SFSWAP: variants seen among roughly 807,000 people sequenced by gnomAD.
The protein encoded by SFSWAP is splicing factor, suppressor of white-apricot homolog.
In SFSWAP, 17 loss-of-function variants were observed where a neutral mutation model predicts 100.7. That is an observed-to-expected ratio of 0.17 (90% CI 0.12 to 0.25). SFSWAP has a LOEUF of 0.25. Ranked by LOEUF, SFSWAP falls within the 10% of genes least tolerant of loss-of-function variation. SFSWAP has a pLI of 1.00. For missense variants in SFSWAP, 1,005 were observed against 1,262.6 expected (o/e 0.80, Z 3.09); for synonymous variants, 504 against 510.1 (o/e 0.99, Z 0.16).
chr12:131,746,493 C>T (rs1175748806), intron 7 of SFSWAP, among the ~76,000 whole-genome samples: 2 of 152,186 alleles, frequency 1.3e-5, no homozygotes, highest in Non-Finnish European at 1.5e-5. Context: ...CCCCCGTCCC[C>T]GCCTGGAACA....
At chr12:131,768,590 A>G (rs1195936112) in intron 13 of SFSWAP, among the ~76,000 whole-genome samples, 2 of 152,146 alleles carry the variant, frequency 1.3e-5, no homozygotes, top group Non-Finnish European at 2.9e-5. Context: ...CGAGTGCCGC[A>G]GGGTGGGCTC....
Position 131,797,347 on chromosome 12 carries a change from C to T in SFSWAP, c.2704C>T (p.Gln902Ter). 1 of 1,607,818 alleles carries T rather than the reference C, an allele frequency of 6.2e-7. No homozygotes were observed. The highest frequency in any genetic ancestry group is 8.5e-7 in the Non-Finnish European group (1 of 1,177,076). ...CCCTGTGGAGAGTCGGGGCTCCAGCCAGGAGCGCTCCAGGTAACCCCTGTC... is the reference window on the plus strand; with the variant it reads ...CCCTGTGGAGAGTCGGGGCTCCAGCTAGGAGCGCTCCAGGTAACCCCTGTC... ...VSPVESRGSS[Q>*]ERSRGVSQEK... The change falls in exon 16 of 18, where the codon CAG becomes TAG. Residue 902 changes from glutamine to a stop codon, truncating the protein, a stop_gained. Transcript: ENST00000261674. LOFTEE classifies it high-confidence loss of function.
At chr12:131,777,924 T>C (rs997508099) in intron 13 of SFSWAP, 141 bp from the exon 14 acceptor site, 10 of 1,380,360 alleles carry the variant, frequency 7.2e-6, no homozygotes, top group African/African-American at 1.5e-5. Context: ...GAGGTCACTC[T>C]GGATAGCCAC....
chr12:131,791,473 C>T (rs1053832109), intron 15 of SFSWAP, among the ~76,000 whole-genome samples: 22 of 152,092 alleles, frequency 1.4e-4, no homozygotes, highest in Admixed American at 2.6e-4. Context: ...AAAGGAGGGG[C>T]CAGGCACGAT....
intron 16 of SFSWAP, among the ~76,000 whole-genome samples, chr12:131,798,026 G>A (rs186257895): frequency 6.6e-6 from 1 of 152,342 alleles, no homozygotes; most frequent in East Asian, 1.9e-4. Context: ...TAGAATCTAA[G>A]AGGTGGCACC....
At chr12:131,776,191 A>G (rs746736173) in intron 13 of SFSWAP, among the ~76,000 whole-genome samples, 1 of 152,228 alleles carries the variant, frequency 6.6e-6, no homozygotes, top group Non-Finnish European at 1.5e-5. Context: ...GACCTTTTTG[A>G]TAAGAACTGT....
intron 4 of SFSWAP, among the ~76,000 whole-genome samples, chr12:131,720,922 T>C (rs781354021): frequency 3.9e-4 from 59 of 152,108 alleles, no homozygotes; most frequent in Admixed American, 1.0e-3. Flanking sequence ...TGAGACTGGG[T>C]AATTTATAAA....
rs1347588250 is a variant in SFSWAP at position 131,725,317 on chromosome 12, C to A, written c.607-88C>A. The A allele has an allele frequency of 4.4e-6, 5 of 1,126,038 alleles. No homozygotes were observed. The highest frequency in any genetic ancestry group is 5.4e-6 in the Non-Finnish European group (4 of 746,322). 69.8% of individuals were successfully genotyped at this position (1,126,038 alleles called of 1,614,324 possible). A position where few individuals can be genotyped will look rare whatever the true frequency, so the allele number is the denominator to read the frequency against. On this transcript the variant is annotated intron_variant, in intron 4 of 17. Coordinates refer to ENST00000261674, the MANE Select transcript of SFSWAP (RefSeq NM_004592.4). The surrounding 1 kb of genome is among the most constrained non-coding windows in gnomAD (Gnocchi z 4.3). ...GTATCTCTTAAAATTGACAGTAAAACCAGAGTCATTTCTATGTTTTAATGA... is the reference window on the plus strand; with the variant it reads ...GTATCTCTTAAAATTGACAGTAAAAACAGAGTCATTTCTATGTTTTAATGA...
At chr12:131,721,579 C>T (rs975747242) in intron 4 of SFSWAP, among the ~76,000 whole-genome samples, 1 of 152,046 alleles carries the variant, frequency 6.6e-6, no homozygotes, top group African/African-American at 2.4e-5. Context: ...TGGAATTTTA[C>T]TTGTTTTTAG....
chr12:131,747,057 T>C (rs1227685151), intron 7 of SFSWAP, among the ~76,000 whole-genome samples: 1 of 145,232 alleles, frequency 6.9e-6, no homozygotes, highest in Non-Finnish European at 1.5e-5. Context: ...TGAGCCGAGA[T>C]CGCACCACTG....
chr12:131,713,984 A>G (rs749004737), intron 1 of SFSWAP, 87 bp from the exon 2 acceptor site: 97 of 729,502 alleles, frequency 1.3e-4, no homozygotes, highest in South Asian at 3.3e-4. Flanking sequence ...ATGTGTGTGT[A>G]TATATATATA....
intron 13 of SFSWAP, among the ~76,000 whole-genome samples, chr12:131,769,646 A>C (rs921212962): frequency 2.6e-5 from 4 of 151,916 alleles, no homozygotes; most frequent in Non-Finnish European, 4.4e-5. Context: ...TTGTTTTTTG[A>C]GACAGAGTCT....
At chr12:131,788,703 G>C (rs1246021615) in intron 15 of SFSWAP, among the ~76,000 whole-genome samples, 1 of 151,720 alleles carries the variant, frequency 6.6e-6, no homozygotes, top group Admixed American at 6.6e-5. Context: ...CTGCTCTCAA[G>C]CTCCTGGCCT....
At chr12:131,785,805 T>G (rs1441433119) in intron 14 of SFSWAP, 1 of 153,226 alleles carries the variant, frequency 6.5e-6, no homozygotes, top group Admixed American at 6.5e-5. Context: ...GTCGTGAGAC[T>G]GGCATTTCCA....
intron 11 of SFSWAP, among the ~76,000 whole-genome samples, chr12:131,758,271 G>A (rs549453719): frequency 1.3e-5 from 2 of 152,244 alleles, no homozygotes; most frequent in South Asian, 2.1e-4. Flanking sequence ...CTGCCAACCA[G>A]CGTGACCTTC....
chr12:131,740,932 C>T (rs1177853960), intron 7 of SFSWAP, among the ~76,000 whole-genome samples: 2 of 146,982 alleles, frequency 1.4e-5, no homozygotes, highest in Non-Finnish European at 3.0e-5. Flanking sequence ...TTGATGGATA[C>T]GAGGCTTTTC....
rs536644324 is a variant in SFSWAP at position 131,794,549 on chromosome 12, A to G, written c.2535-2629A>G. ...GAAACTGAGAAACAAACAACAGAAA[A>G]CCAAGAAGCCAAACCAACAAACAAA... On this transcript the variant is annotated intron_variant, in intron 15 of 17. Coordinates refer to ENST00000261674, the MANE Select transcript of SFSWAP (RefSeq NM_004592.4). This position sits in a 1 kb window ranked among gnomAD's most constrained non-coding sequence, Gnocchi z 4.8. 4.1e-4 allele frequency among the ~76,000 whole-genome samples: 62 copies of G among 152,178 alleles called. No individual in the cohort carries two copies. The highest frequency in any genetic ancestry group is 1.4e-3 in the African/African-American group (60 of 41,526).
chr12:131,766,794 C>G (rs1196045917), intron 13 of SFSWAP, among the ~76,000 whole-genome samples: 1 of 152,258 alleles, frequency 6.6e-6, no homozygotes, highest in East Asian at 1.9e-4. Context: ...TACATGGCTC[C>G]TTCCTCAGTG....
At chr12:131,726,589 G>A (rs1879002751) in intron 5 of SFSWAP, among the ~76,000 whole-genome samples, 1 of 152,100 alleles carries the variant, frequency 6.6e-6, no homozygotes, top group South Asian at 2.1e-4. Flanking sequence ...CTCATCTTCA[G>A]TTTTGTTGTA....
Sources: gnomAD v4.1 joint callset for allele counts (sites outside exome capture counted in the v4.1 genomes callset) on GRCh38, gnomAD v4.1.1 for gene constraint, Gnocchi (gnomAD v3.1) non-coding constraint, MANE v1.5 for transcripts, NCBI Gene and HGNC (gene_info 2026-07-23, HGNC 2026-07-21) for gene names.